AKAP13: variants seen among roughly 807,000 people sequenced by gnomAD.
The protein encoded by AKAP13 is A-kinase anchoring protein 13.
A neutral mutation model predicts 264.5 loss-of-function variants in AKAP13; 80 were observed. That is an observed-to-expected ratio of 0.30 (90% CI 0.25 to 0.36). The LOEUF is 0.36. Among genes scored for constraint, AKAP13 ranks in the 10% least tolerant of loss-of-function variants. The pLI is 1.00. For synonymous variants in AKAP13, 1,380 were observed against 1,250.2 expected, an observed-to-expected ratio of 1.10 and a Z score of -2.19; for missense variants, 3,712 against 3,435.2, an observed-to-expected ratio of 1.08 and a Z score of -2.01.
intron 1 of AKAP13, 75 bp from the exon 2 acceptor site, chr15:85,485,635 T>TA (rs1157221490): frequency 6.7e-6 from 9 of 1,334,170 alleles, no homozygotes; most frequent in Non-Finnish European, 9.7e-6. Flanking sequence ...GCTTGACACC[T>TA]AGGACTTTAG....
chr15:85,744,233 C>T (rs540134129), intron 36 of AKAP13: 2 of 297,010 alleles, frequency 6.7e-6, no homozygotes, highest in South Asian at 3.9e-5. Context: ...AACTGAGGCT[C>T]ACAGAGGCTA....
chr15:85,562,598 T>TA (rs1358483874), intron 5 of AKAP13, among the ~76,000 whole-genome samples: 1 of 137,136 alleles, frequency 7.3e-6, no homozygotes, highest in African/African-American at 2.6e-5. Context: ...TATATATATA[T>TA]ATATATATCT....
chr15:85,518,728 C>T (rs978157122), intron 2 of AKAP13, among the ~76,000 whole-genome samples: 1 of 152,112 alleles, frequency 6.6e-6, no homozygotes, highest in African/African-American at 2.4e-5. Context: ...ACTTGGGAGG[C>T]AGCAGGGGGA....
At chr15:85,698,831 C>G (rs1369665068) in intron 17 of AKAP13, among the ~76,000 whole-genome samples, 1 of 149,752 alleles carries the variant, frequency 6.7e-6, no homozygotes, top group African/African-American at 2.5e-5. Flanking sequence ...GTAATCCCAG[C>G]TACTTGGGAG....
At position 85,708,215 on chromosome 15, in the gene AKAP13, C is replaced by A. The variant is rs1423471292; in HGVS notation, c.5532+129C>A. ...AATCATTTGGTACCAACTTTGAGAA[C>A]AAATTATAACTAAAAAATATTTTTT... On this transcript the variant is annotated intron_variant, in intron 18 of 36. Coordinates refer to ENST00000394518, the MANE Select transcript of AKAP13 (RefSeq NM_007200.5). The surrounding 1 kb of genome is among the most constrained non-coding windows in gnomAD (Gnocchi z 4.3). 2.7e-6 allele frequency: 2 copies of A among 740,760 alleles called. No homozygotes were observed. Among genetic ancestry groups the A allele is most frequent in the African/African-American group, 3.5e-5 (2 of 56,494 alleles). 45.9% of individuals were successfully genotyped at this position (740,760 alleles called of 1,614,324 possible). A position where few individuals can be genotyped will look rare whatever the true frequency, so the allele number is the denominator to read the frequency against.
intron 2 of AKAP13, among the ~76,000 whole-genome samples, chr15:85,491,586 A>T (rs1267881843): frequency 1.3e-5 from 2 of 149,282 alleles, no homozygotes; most frequent in Non-Finnish European, 3.0e-5. Flanking sequence ...GGACAGTGTA[A>T]TAAAGAATAC....
chr15:85,684,643 A>G, intron 15 of AKAP13, 98 bp from the exon 16 acceptor site: 1 of 1,318,918 alleles, frequency 7.6e-7, no homozygotes, highest in Non-Finnish European at 1.0e-6. Context: ...ACTCTATAAA[A>G]AGCCATTCAG....
intron 1 of AKAP13, among the ~76,000 whole-genome samples, chr15:85,407,230 CTTTT>C (rs796411972): frequency 7.6e-6 from 1 of 132,172 alleles, no homozygotes. Flanking sequence ...TGTGCTGGGT[CTTTT>C]TTTTTTTTTT....
intron 17 of AKAP13, among the ~76,000 whole-genome samples, chr15:85,707,566 T>C (rs1031058254): frequency 1.3e-5 from 2 of 152,252 alleles, no homozygotes; most frequent in African/African-American, 4.8e-5. Context: ...ATTAATGTAT[T>C]TATTTGTAAT....
intron 1 of AKAP13, among the ~76,000 whole-genome samples, chr15:85,420,497 T>C (rs1249530138): frequency 1.3e-5 from 2 of 152,174 alleles, no homozygotes; most frequent in Non-Finnish European, 2.9e-5. Context: ...TTTTATTCAA[T>C]ATGAAGCAAT....
chr15:85,429,074 C>G (rs1446938972), intron 1 of AKAP13, among the ~76,000 whole-genome samples: 1 of 152,134 alleles, frequency 6.6e-6, no homozygotes, highest in African/African-American at 2.4e-5. Flanking sequence ...AATTCAAAAT[C>G]TTGACTGAAA....
chr15:85,635,995 G>A (rs1389582162), intron 8 of AKAP13, among the ~76,000 whole-genome samples: 1 of 152,128 alleles, frequency 6.6e-6, no homozygotes, highest in Non-Finnish European at 1.5e-5. Context: ...TTGAAATCAT[G>A]TAGTGATCAA....
intron 5 of AKAP13, among the ~76,000 whole-genome samples, chr15:85,550,734 C>T (rs558781295): frequency 6.6e-6 from 1 of 152,236 alleles, no homozygotes; most frequent in East Asian, 1.9e-4. Context: ...ACCAGAGAGG[C>T]AGGATTTGGG....
intron 19 of AKAP13, among the ~76,000 whole-genome samples, chr15:85,711,040 G>C (rs1430053634): frequency 1.3e-5 from 2 of 151,448 alleles, no homozygotes; most frequent in Non-Finnish European, 2.9e-5. Context: ...TTTTGAGACG[G>C]AGTCTCTCTC....
In AKAP13 at chr15:85,498,197, GAGATATATATATATATATAT is replaced by G. The variant is rs2075931096; in HGVS notation, c.33+12446_33+12465del. On this transcript the variant is annotated intron_variant, in intron 2 of 36. Coordinates refer to ENST00000394518, the MANE Select transcript of AKAP13 (RefSeq NM_007200.5). ...TGTGGTAGTAAGGATTAAATGAAGT[GAGATATATATATATATATAT>G]ATATATATATCACATTGAGCGAGAT... Among the ~76,000 whole-genome samples the G allele has an allele frequency of 1.7e-4, 5 of 30,048 alleles. 1 individual carries two copies. The East Asian group carries it at 2.5e-3, about 15-fold the overall frequency. The allele number at this position is 30,048 out of a possible 152,430, so 19.7% of individuals were successfully genotyped here.
chr15:85,646,335 C>T (rs985207574), intron 10 of AKAP13, among the ~76,000 whole-genome samples: 9 of 152,006 alleles, frequency 5.9e-5, no homozygotes, highest in Admixed American at 5.9e-4. Context: ...ATTAGCTGGA[C>T]GTGCTCACTT....
At position 85,464,731 on chromosome 15, in the gene AKAP13, A is replaced by G. The variant is rs78706511; in HGVS notation, c.-11-20979A>G. Among the ~76,000 whole-genome samples, 3 of 152,314 alleles carry G rather than the reference A, an allele frequency of 2.0e-5. No individual in the cohort carries two copies. In the East Asian group the frequency reaches 5.8e-4, roughly 29 times the overall value. On this transcript the variant is annotated intron_variant, in intron 1 of 36. Coordinates refer to ENST00000394518, the MANE Select transcript of AKAP13 (RefSeq NM_007200.5). Reference sequence around the variant, plus strand: ...ATTTAACCTCAGGCAGTCTGATACCAGAGTCAGGACTATTAACAAATTTGT... The same window carrying G: ...ATTTAACCTCAGGCAGTCTGATACCGGAGTCAGGACTATTAACAAATTTGT...
At chr15:85,548,781 A>T (rs1482409954) in intron 5 of AKAP13, among the ~76,000 whole-genome samples, 2 of 152,162 alleles carry the variant, frequency 1.3e-5, no homozygotes, top group Non-Finnish European at 2.9e-5. Flanking sequence ...CTGTGAATTA[A>T]AGTTAGTAGA....
At chr15:85,386,178 T>A (rs977260917) in intron 1 of AKAP13, among the ~76,000 whole-genome samples, 1 of 152,124 alleles carries the variant, frequency 6.6e-6, no homozygotes, top group African/African-American at 2.4e-5. Context: ...TTTTATGATA[T>A]CCAGTGTTTT....
Sources: gnomAD v4.1 joint callset for allele counts (sites outside exome capture counted in the v4.1 genomes callset) on GRCh38, gnomAD v4.1.1 for gene constraint, Gnocchi (gnomAD v3.1) non-coding constraint, MANE v1.5 for transcripts, NCBI Gene and HGNC (gene_info 2026-07-23, HGNC 2026-07-21) for gene names.